Variants in VWF observed in about 807,000 individuals in gnomAD.
The protein encoded by VWF is Factor VIII related antigen.
Under a neutral mutation model 308.6 loss-of-function variants are expected in VWF, and 176 were observed. The ratio of observed to expected loss-of-function variants is 0.57; its 90% CI spans 0.50 to 0.65. The LOEUF is 0.65. VWF is among the 30% of genes least tolerant of loss of function. The pLI is 0.00. For missense variants in VWF, 3,146 were observed against 3,648.2 expected (o/e 0.86, Z 3.55); for synonymous variants, 1,385 against 1,443.4 (o/e 0.96, Z 0.92).
chr12:6,026,198 G>A (rs1944190667), intron 22 of VWF, 152 bp from the exon 23 acceptor site: 2 of 1,121,752 alleles, frequency 1.8e-6, no homozygotes, highest in Admixed American at 2.0e-5. Flanking sequence ...GAGGCCCGAG[G>A]TGAGCAGCAA....
intron 5 of VWF, among the ~76,000 whole-genome samples, chr12:6,103,309 A>G (rs1945188671): frequency 6.6e-6 from 1 of 151,718 alleles, no homozygotes; most frequent in Middle Eastern, 3.4e-3. Flanking sequence ...CCTGGGCAAC[A>G]GAGCGAGACT....
Position 5,971,671 on chromosome 12 carries a change from T to C in VWF, c.7476A>G (p.Gly2492=). The C allele has an allele frequency of 6.2e-7, 1 of 1,614,174 alleles. No homozygotes were observed. The highest frequency in any genetic ancestry group is 1.1e-5 in the South Asian group (1 of 91,084). Residue 2492 remains glycine (G), a synonymous_variant, in exon 44 of 52, where the codon GGA becomes GGG. Coordinates refer to ENST00000261405, the MANE Select transcript of VWF (RefSeq NM_000552.5). ...CCTCACAGGCAGATGGCAGGCACCT[T>C]CCACAGCACTCGCCTTCATGCAGAA... ...TYVLHEGECC[G]RCLPSACEVV... is the part of the protein sequence containing the mutation.
intron 10 of VWF, among the ~76,000 whole-genome samples, chr12:6,068,512 C>T (rs1391676056): frequency 3.9e-5 from 6 of 152,188 alleles, no homozygotes; most frequent in East Asian, 3.9e-4. Flanking sequence ...CTCTGTTGCC[C>T]GGCGTGGAGT....
intron 6 of VWF, among the ~76,000 whole-genome samples, chr12:6,082,976 G>C (rs1362384937): frequency 6.6e-6 from 1 of 152,162 alleles, no homozygotes; most frequent in Admixed American, 6.5e-5. Context: ...CTGTAGCTCA[G>C]GTTTTAGAAG....
At chr12:5,971,404 T>C (rs1355083296) in intron 44 of VWF, among the ~76,000 whole-genome samples, 195 bp downstream of exon 44, 1 of 152,102 alleles carries the variant, frequency 6.6e-6, no homozygotes, top group Non-Finnish European at 1.5e-5. Flanking sequence ...ATCTACAAAA[T>C]GGGAAGGCTG....
At chr12:6,065,964 G>A (rs1944709697) in intron 10 of VWF, among the ~76,000 whole-genome samples, 2 of 152,222 alleles carry the variant, frequency 1.3e-5, no homozygotes, top group South Asian at 4.1e-4. Flanking sequence ...GGCCAATGGG[G>A]AACCAGGAGG....
chr12:5,999,151 C>A (rs1323595109), intron 34 of VWF, among the ~76,000 whole-genome samples: 1 of 152,154 alleles, frequency 6.6e-6, no homozygotes, highest in African/African-American at 2.4e-5. Context: ...CCAAGGAGAA[C>A]TGAAAAGAAG....
At chr12:5,958,103 T>TA (rs1943270236) in intron 47 of VWF, among the ~76,000 whole-genome samples, 1 of 149,458 alleles carries the variant, frequency 6.7e-6, no homozygotes, top group Non-Finnish European at 1.5e-5. Flanking sequence ...GATATAGTAC[T>TA]AAAAAAAAGA....
rs1398787664 is a variant in VWF at position 6,016,296 on chromosome 12, G to A, written c.5312-64C>T. ...CTGCGGCTCGACACCCTGTCTTAAC[G>A]GTGGATCCTTAAGTCACTTAAAAGC... is the stretch of plus-strand genomic sequence containing the variant. On this transcript the variant is annotated intron_variant, in intron 30 of 51. Transcript: ENST00000261405. The A allele has an allele frequency of 7.4e-5, 119 of 1,610,784 alleles. 3 individuals carry two copies. In the South Asian group the frequency reaches 1.1e-3, roughly 15 times the overall value.
At chr12:6,095,827 G>A in intron 5 of VWF, 1 of 483,798 alleles carries the variant, frequency 2.1e-6, no homozygotes, top group Non-Finnish European at 3.8e-6. Flanking sequence ...CCCCTCCTCA[G>A]GCAACCCAGT....
rs558480722 is a variant in VWF, at chr12:6,107,676, T to C, written c.532+2698A>G. Among the ~76,000 whole-genome samples, 33 of 152,186 alleles carry C rather than the reference T, an allele frequency of 2.2e-4. No individual in the cohort carries two copies. The East Asian group carries it at 5.2e-3, about 24-fold the overall frequency. ...TCAATATATATATATATATATTTTT[T>C]GAGACGGAGTCTCACTCTGTCGCCC... On this transcript the variant is annotated intron_variant, in intron 5 of 51. Coordinates refer to ENST00000261405, the MANE Select transcript of VWF (RefSeq NM_000552.5).
chr12:6,080,303 G>A (rs903805772), intron 6 of VWF, among the ~76,000 whole-genome samples: 1 of 152,266 alleles, frequency 6.6e-6, no homozygotes, highest in Non-Finnish European at 1.5e-5. Context: ...GCAGACAGGA[G>A]TAAGTCATGC....
At chr12:6,034,968 T>C in intron 19 of VWF, 142 bp from the exon 20 acceptor site, 1 of 1,042,576 alleles carries the variant, frequency 9.6e-7, no homozygotes, top group Non-Finnish European at 1.4e-6. Flanking sequence ...TGAGGACCTG[T>C]AGCGTGGAGT....
chr12:6,005,897 G>A (rs1277826714), intron 34 of VWF, among the ~76,000 whole-genome samples: 2 of 152,018 alleles, frequency 1.3e-5, no homozygotes, highest in African/African-American at 2.4e-5. Flanking sequence ...AAGAATGCTA[G>A]GCAGCAACAT....
At chr12:6,106,817 G>A (rs1482639982) in intron 5 of VWF, among the ~76,000 whole-genome samples, 2 of 146,532 alleles carry the variant, frequency 1.4e-5, no homozygotes, top group Non-Finnish European at 3.0e-5. Context: ...GGAGGTTGGA[G>A]TGAGCTGAGA....
intron 3 of VWF, among the ~76,000 whole-genome samples, chr12:6,113,766 C>T (rs1192451336): frequency 2.0e-5 from 3 of 152,184 alleles, no homozygotes; most frequent in African/African-American, 4.8e-5. Context: ...CAGTTTGCAC[C>T]CTCTCCCTTC....
chr12:6,102,676 A>C (rs1945178730), intron 5 of VWF, among the ~76,000 whole-genome samples: 1 of 152,014 alleles, frequency 6.6e-6, no homozygotes. Flanking sequence ...TGGACCTTGC[A>C]GTGAGCCGAG....
intron 5 of VWF, among the ~76,000 whole-genome samples, chr12:6,104,005 T>C (rs890895079): frequency 7.2e-5 from 11 of 152,110 alleles, no homozygotes; most frequent in Non-Finnish European, 1.2e-4. Context: ...AGAAAATATT[T>C]GCAAACTTTT....
intron 42 of VWF, among the ~76,000 whole-genome samples, chr12:5,981,220 T>G (rs1943601292): frequency 6.6e-6 from 1 of 151,874 alleles, no homozygotes; most frequent in Admixed American, 6.6e-5. Flanking sequence ...CAGCAATAAA[T>G]AAATGAGTAA....
Sources: allele counts gnomAD v4.1 joint callset (sites outside exome capture counted in the v4.1 genomes callset), GRCh38; gene constraint gnomAD v4.1.1; transcripts MANE v1.5; gene names NCBI Gene and HGNC (gene_info 2026-07-23, HGNC 2026-07-21).